Variants in OR10H5 observed in about 807,000 individuals in gnomAD.
OR10H5 encodes the protein olfactory receptor family 10 subfamily H member 5, also known as olfactory receptor 10H5.
OR10H5 carries 7 observed loss-of-function variants against 12.2 expected under a neutral mutation model. The ratio of observed to expected loss-of-function variants is 0.57; its 90% CI spans 0.33 to 1.07. The LOEUF is 1.07. OR10H5 is among the 50% of genes least tolerant of loss of function. The pLI, the probability that OR10H5 is intolerant of heterozygous loss-of-function variation, is 0.04. For missense variants in OR10H5, 346 were observed against 411.6 expected (o/e 0.84, Z 1.38); for synonymous variants, 159 against 175.1 (o/e 0.91, Z 0.73).
chr19:15,792,443 C>T (rs554357931), intron 1 of OR10H5, among the ~76,000 whole-genome samples: 8 of 151,988 alleles, frequency 5.3e-5, no homozygotes, highest in Admixed American at 1.3e-4. Flanking sequence ...CCATCCATGC[C>T]GGCCCTCAAT....
rs780489610 is a variant in OR10H5, at chr19:15,794,180, C to T, written c.132C>T (p.Leu44=). 5.0e-6 allele frequency: 8 copies of T among 1,614,192 alleles called. No homozygotes were observed. Among genetic ancestry groups the T allele is most frequent in the African/African-American group, 1.3e-5 (1 of 75,046 alleles). ...TGTTCACGCTGCTGGGCAACCTGCTCATCATGGCCACTGTCTGGAGCGAGC... is the reference window on the plus strand; with the variant it reads ...TGTTCACGCTGCTGGGCAACCTGCTTATCATGGCCACTGTCTGGAGCGAGC... ...MYLFTLLGNL[L]IMATVWSERS... is the part of the protein sequence containing the mutation. The change falls in exon 2 of 2, where the codon CTC becomes CTT. Residue 44 remains leucine, a synonymous_variant. Transcript: ENST00000642092.
chr19:15,794,135 G>C lies in OR10H5; in HGVS notation c.87G>C (p.Leu29=). The change falls in exon 2 of 2, where the codon CTG becomes CTC. Residue 29 remains leucine (L), a synonymous_variant. Coordinates refer to ENST00000642092, the MANE Select transcript of OR10H5 (RefSeq NM_001004466.2). ...CCCACCTCCAGCTGATGCTCTTCCT[G>C]CTGTTCCTGCTGATGTACCTGTTCA... ...AFPHLQLMLF[L]LFLLMYLFTL... 2.5e-6 allele frequency: 4 copies of C among 1,614,040 alleles called. No individual in the cohort carries two copies. Among genetic ancestry groups the C allele is most frequent in the Non-Finnish European group, 3.4e-6 (4 of 1,179,996 alleles).
intron 1 of OR10H5, among the ~76,000 whole-genome samples, chr19:15,790,245 T>C (rs1255126585): frequency 6.6e-6 from 1 of 151,940 alleles, no homozygotes; most frequent in African/African-American, 2.4e-5. Flanking sequence ...TGGAATGGGG[T>C]TGAAGTCCCT....
chr19:15,792,117 C>T (rs951560313), intron 1 of OR10H5, among the ~76,000 whole-genome samples: 2 of 152,164 alleles, frequency 1.3e-5, no homozygotes, highest in African/African-American at 4.8e-5. Flanking sequence ...GCAGATCTTA[C>T]TGGAATTTTG....
chr19:15,793,340 C>T (rs1015650216), intron 1 of OR10H5, among the ~76,000 whole-genome samples: 2 of 152,114 alleles, frequency 1.3e-5, no homozygotes, highest in Non-Finnish European at 2.9e-5. Context: ...AGACTGGTCT[C>T]AAGCTCCTGG....
intron 1 of OR10H5, among the ~76,000 whole-genome samples, chr19:15,789,021 C>T (rs2088797098): frequency 6.6e-6 from 1 of 152,134 alleles, no homozygotes; most frequent in African/African-American, 2.4e-5. Flanking sequence ...TTCTGAGGCT[C>T]TCCCCACCCC....
rs144567857 is a variant in OR10H5, at chr19:15,794,854, C to T, written c.806C>T (p.Pro269Leu). Residue 269 changes from proline to leucine, a missense_variant, in exon 2 of 2, where the codon CCG becomes CTG. Pro to Leu is a moderately conservative substitution (Grantham distance 98). Transcript: ENST00000642092. ...CTGAAGCCCAAAGGTCCCCAGTCTC[C>T]GGAAGGAGACACCTTGATGGGCATC... The part of the protein sequence containing the change: ...IYLKPKGPQS[P>L]EGDTLMGITY... 323 of 1,614,030 alleles carry T rather than the reference C, an allele frequency of 2.0e-4. 1 individual carries two copies. The African/African-American group carries it at 2.9e-3, about 14-fold the overall frequency.
rs1012971807 is a variant in OR10H5 at position 15,799,108 on chromosome 19, C to G, written c.*4112C>G. The G allele has an allele frequency of 6.6e-6, 1 of 152,064 alleles. No homozygotes were observed. The highest frequency in any genetic ancestry group is 1.5e-5 in the Non-Finnish European group (1 of 68,028). The allele number at this position is 152,064 out of a possible 1,614,324, so 9.4% of individuals were successfully genotyped here. A position where few individuals can be genotyped will look rare whatever the true frequency, so the allele number is the denominator to read the frequency against. The stretch of plus-strand genomic sequence containing the variant: ...TGAAAAATCATCCCTCTACTTAAAC[C>G]TTCTGTTTCTCTTAGGATACAGTAT... On this transcript the variant is annotated 3_prime_UTR_variant, in exon 2 of 2. Transcript: ENST00000642092.
intron 1 of OR10H5, among the ~76,000 whole-genome samples, chr19:15,789,560 T>C (rs1336962015): frequency 6.6e-6 from 1 of 152,062 alleles, no homozygotes; most frequent in Middle Eastern, 3.2e-3. Flanking sequence ...TGCAGAAGCC[T>C]GAGGTTCTGC....
chr19:15,789,226 T>C (rs1185364737), intron 1 of OR10H5, among the ~76,000 whole-genome samples: 3 of 152,148 alleles, frequency 2.0e-5, no homozygotes, highest in Non-Finnish European at 2.9e-5. Flanking sequence ...AAGGGCTCCA[T>C]AGGTGTGTGC....
At chr19:15,788,661 C>A (rs2088795603) in intron 1 of OR10H5, among the ~76,000 whole-genome samples, 2 of 151,994 alleles carry the variant, frequency 1.3e-5, no homozygotes. Context: ...CCACGCCCAG[C>A]TAATTTTTGT....
intron 1 of OR10H5, among the ~76,000 whole-genome samples, chr19:15,793,739 C>T (rs1042785015): frequency 1.3e-5 from 2 of 151,918 alleles, no homozygotes; most frequent in African/African-American, 4.8e-5. Flanking sequence ...AATCAGCTGG[C>T]GTGGTAGCAC....
chr19:15,793,406 C>A (rs1348859272), intron 1 of OR10H5, among the ~76,000 whole-genome samples: 1 of 152,060 alleles, frequency 6.6e-6, no homozygotes, highest in African/African-American at 2.4e-5. Flanking sequence ...CAGGCATGCA[C>A]CACCATGCCT....
Position 15,798,475 on chromosome 19 carries a change from G to T in OR10H5, c.*3479G>T, listed in dbSNP as rs8102748. On this transcript the variant is annotated 3_prime_UTR_variant, in exon 2 of 2. Transcript: ENST00000642092. ...TTGGTATCCCCAAGGCAGGACCAGAGCCCAGAGAGGTGATTAAGGGGCAGG... is the reference window on the plus strand; with the variant it reads ...TTGGTATCCCCAAGGCAGGACCAGATCCCAGAGAGGTGATTAAGGGGCAGG... 0.17 allele frequency: 26,567 copies of T among 152,110 alleles called. 2,404 individuals are homozygous for T. The highest frequency in any genetic ancestry group is 0.21 in the South Asian group (1,013 of 4,812). 9.4% of individuals were successfully genotyped at this position (152,110 alleles called of 1,614,324 possible).
At position 15,794,506 on chromosome 19, in the gene OR10H5, T is replaced by G. The variant is rs767786855; in HGVS notation, c.458T>G (p.Leu153Trp). The stretch of plus-strand genomic sequence containing the variant: ...GTGGGCTGCTCCTGGGCTGGTGGCT[T>G]GGTCATGGGGATGGTGGTGACCTCG... ...CRVGCSWAGG[L>W]VMGMVVTSAI... is the part of the protein sequence containing the mutation. The change falls in exon 2 of 2, where the codon TTG becomes TGG. Residue 153 changes from leucine (L) to tryptophan (W), a missense_variant. Transcript: ENST00000642092. 6.2e-7 allele frequency: 1 copy of G among 1,614,218 alleles called. No individual in the cohort carries two copies. Among genetic ancestry groups the G allele is most frequent in the Admixed American group, 1.7e-5 (1 of 60,020 alleles).
chr19:15,794,742 G>C lies in OR10H5; in HGVS notation c.694G>C (p.Ala232Pro). The C allele has an allele frequency of 6.2e-7, 1 of 1,613,628 alleles. No individual in the cohort carries two copies. The highest frequency in any genetic ancestry group is 8.5e-7 in the Non-Finnish European group (1 of 1,179,624). ...IVAAILKIPS[A>P]EGRNKAFSTC... ...GGCCGCCATCTTGAAGATCCCTTCT[G>C]CTGAAGGTCGGAACAAGGCCTTCTC... is the stretch of plus-strand genomic sequence containing the variant. Residue 232 changes from alanine to proline, a missense_variant, in exon 2 of 2, where the codon GCT (alanine) becomes CCT (proline). Coordinates refer to ENST00000642092, the MANE Select transcript of OR10H5 (RefSeq NM_001004466.2).
chr19:15,792,655 G>A (rs933978501), intron 1 of OR10H5, among the ~76,000 whole-genome samples: 13 of 151,924 alleles, frequency 8.6e-5, no homozygotes, highest in African/African-American at 2.2e-4. Flanking sequence ...TAGTAGGGAC[G>A]GGGTTTCACC....
chr19:15,788,481 A>G (rs1444682920), intron 1 of OR10H5, among the ~76,000 whole-genome samples: 1 of 151,972 alleles, frequency 6.6e-6, no homozygotes, highest in South Asian at 2.1e-4. Flanking sequence ...CCTAATTCAG[A>G]ATAATCTCAT....
chr19:15,794,433 C>G lies in OR10H5; in HGVS notation c.385C>G (p.Pro129Ala). 3 of 1,614,268 alleles carry G rather than the reference C, an allele frequency of 1.9e-6. No homozygotes were observed. The highest frequency in any genetic ancestry group is 8.5e-7 in the Non-Finnish European group (1 of 1,180,052). ...CGACCGCTACGTGGCCATCTGCCAC[C>G]CCCTGCGTTACAACGTGCTCATGAG... ...GYDRYVAICH[P>A]LRYNVLMSLR... The change falls in exon 2 of 2, where the codon CCC becomes GCC. Residue 129 changes from proline to alanine, a missense_variant. Coordinates refer to ENST00000642092, the MANE Select transcript of OR10H5 (RefSeq NM_001004466.2).
Sources: gnomAD v4.1 joint callset for allele counts (sites outside exome capture counted in the v4.1 genomes callset) on GRCh38, gnomAD v4.1.1 for gene constraint, MANE v1.5 for transcripts, NCBI Gene and HGNC (gene_info 2026-07-23, HGNC 2026-07-21) for gene names.